PTAFR: variants seen among roughly 807,000 people sequenced by gnomAD.
PTAFR encodes the protein platelet activating factor receptor, also known as platelet-activating factor receptor.
PTAFR carries 8 observed loss-of-function variants against 14.7 expected under a neutral mutation model. The observed-to-expected ratio is 0.54, with a 90% CI of 0.32 to 0.98. The LOEUF is 0.98. Among genes scored for constraint, PTAFR ranks in the 50% least tolerant of loss-of-function variants. The pLI is 0.04. For synonymous variants in PTAFR, 156 were observed against 176.5 expected (o/e 0.88, Z 0.92); for missense variants, 337 against 451.2 (o/e 0.75, Z 2.29).
rs1156838256 is a variant in PTAFR, at chr1:28,150,837, G to A, written c.185C>T (p.Ala62Val). The change falls in exon 2 of 2, where the codon GCG becomes GTG. Residue 62 changes from alanine to valine, a missense_variant. Ala to Val is a moderately conservative substitution (Grantham distance 64, BLOSUM62 0). Transcript: ENST00000373857. The surrounding 1 kb of genome is among the most constrained non-coding windows in gnomAD (Gnocchi z 6.3). ...CAGGGTGATCAAGAAGAGCATGTCC[G>A]CCATGGTGAGGTTCACCATGAAGAT... ...IKIFMVNLTM[A>V]DMLFLITLPL... The A allele has an allele frequency of 2.5e-6, 4 of 1,614,124 alleles. No individual in the cohort carries two copies. Among genetic ancestry groups the A allele is most frequent in the South Asian group, 1.1e-5 (1 of 91,066 alleles).
intron 1 of PTAFR, among the ~76,000 whole-genome samples, chr1:28,185,293 G>A (rs963720167): frequency 6.6e-6 from 1 of 152,160 alleles, no homozygotes; most frequent in African/African-American, 2.4e-5. Flanking sequence ...TTAGAGAGAG[G>A]AAGTGATTTA....
chr1:28,159,500 G>A (rs1229562868), intron 1 of PTAFR, among the ~76,000 whole-genome samples: 1 of 152,062 alleles, frequency 6.6e-6, no homozygotes, highest in African/African-American at 2.4e-5. Context: ...TGGGTTGAGG[G>A]GTGAGTGATA....
At chr1:28,191,168 T>C (rs775216386) in intron 1 of PTAFR, among the ~76,000 whole-genome samples, 25 of 152,164 alleles carry the variant, frequency 1.6e-4, no homozygotes, top group Non-Finnish European at 2.6e-4. Flanking sequence ...CACTGTATCC[T>C]GAGAGGAAGA....
intron 1 of PTAFR, among the ~76,000 whole-genome samples, chr1:28,153,869 C>T (rs1222021225): frequency 6.6e-6 from 1 of 150,980 alleles, no homozygotes; most frequent in Non-Finnish European, 1.5e-5. Context: ...GACTGGGAGA[C>T]AGATTGAGAC....
Position 28,150,946 on chromosome 1 carries a change from A to G in PTAFR, c.76T>C (p.Phe26Leu). 6.2e-7 allele frequency: 1 copy of G among 1,614,106 alleles called. No homozygotes were observed. The highest frequency in any genetic ancestry group is 8.5e-7 in the Non-Finnish European group (1 of 1,179,998). ...CCATTAGCAATGACCCCGAGCACAA[A>G]GATGATGCTGTAAACAATCGGGAAG... ...TLFPIVYSII[F>L]VLGVIANGYV... The change falls in exon 2 of 2, where the codon TTT becomes CTT. Residue 26 changes from phenylalanine (F) to leucine (L), a missense_variant. By Grantham distance (22) the Phe-to-Leu change is conservative. Coordinates refer to ENST00000373857, the MANE Select transcript of PTAFR (RefSeq NM_000952.5). The surrounding 1 kb of genome is among the most constrained non-coding windows in gnomAD (Gnocchi z 6.3).
upstream of PTAFR, among the ~76,000 whole-genome samples, chr1:28,181,243 G>A (rs1646560648): frequency 6.6e-6 from 1 of 152,110 alleles, no homozygotes; most frequent in African/African-American, 2.4e-5. Context: ...CTCTTTTTGT[G>A]TATGTTTGAA....
chr1:28,192,095 TA>T (rs531568875), intron 1 of PTAFR, among the ~76,000 whole-genome samples: 60 of 143,990 alleles, frequency 4.2e-4, no homozygotes, highest in Admixed American at 5.6e-4. Context: ...GTAAAACATT[TA>T]AAAAAAAAAA....
At chr1:28,176,440 G>A (rs1309394436) in intron 1 of PTAFR, among the ~76,000 whole-genome samples, 152 bp downstream of exon 1, 3 of 109,652 alleles carry the variant, frequency 2.7e-5, no homozygotes, top group African/African-American at 1.0e-4. Context: ...GAGAGACCCT[G>A]TCTCAAAAAA....
intron 1 of PTAFR, among the ~76,000 whole-genome samples, chr1:28,156,931 C>A (rs1048441253): frequency 6.6e-6 from 1 of 152,098 alleles, no homozygotes. Flanking sequence ...GTCTTGGGGG[C>A]AGTCAGGTCC....
At chr1:28,167,633 ATTTTTTTTTTTTTTTTT>A (rs780344665) in intron 1 of PTAFR, among the ~76,000 whole-genome samples, 2 of 80,234 alleles carry the variant, frequency 2.5e-5, no homozygotes, top group Admixed American at 1.4e-4. Flanking sequence ...TGAAAACGGG[ATTTTTTTTTTTTTTTTT>A]TTTTTTTTTT....
chr1:28,185,708 G>T (rs199617779), intron 1 of PTAFR, among the ~76,000 whole-genome samples: 1 of 74,952 alleles, frequency 1.3e-5, no homozygotes, highest in East Asian at 2.4e-4. Context: ...AGGAAAAAAA[G>T]GTTACGAAGA....
At chr1:28,158,837 G>A (rs940617596) in intron 1 of PTAFR, among the ~76,000 whole-genome samples, 4 of 152,202 alleles carry the variant, frequency 2.6e-5, no homozygotes, top group African/African-American at 9.7e-5. Context: ...ATTTGGGGAA[G>A]ATGGCTTTGA....
chr1:28,167,833 T>A (rs929049631), intron 1 of PTAFR, among the ~76,000 whole-genome samples: 2 of 150,578 alleles, frequency 1.3e-5, no homozygotes, highest in African/African-American at 4.9e-5. Flanking sequence ...GAGACGAGGT[T>A]TCGCCATGTT....
At position 28,150,410 on chromosome 1, in the gene PTAFR, G is replaced by A; in HGVS notation, c.612C>T (p.Phe204=). The change falls in exon 2 of 2, where the codon TTC becomes TTT. Residue 204 remains phenylalanine, a synonymous_variant. Coordinates refer to ENST00000373857, the MANE Select transcript of PTAFR (RefSeq NM_000952.5). This position sits in a 1 kb window ranked among gnomAD's most constrained non-coding sequence, Gnocchi z 6.3. ...SFFLVFLIIL[F]CNLVIIRTLL... Reference sequence around the variant, plus strand: ...AGGTACGGATGATGACCAGGTTGCAGAAGAGGATGATGAGGAAGACCAGGA... The same window carrying A: ...AGGTACGGATGATGACCAGGTTGCAAAAGAGGATGATGAGGAAGACCAGGA... 6.2e-7 allele frequency: 1 copy of A among 1,613,984 alleles called. No individual in the cohort carries two copies. The highest frequency in any genetic ancestry group is 8.5e-7 in the Non-Finnish European group (1 of 1,179,906).
At chr1:28,187,849 A>G (rs1415544258) in intron 1 of PTAFR, among the ~76,000 whole-genome samples, 1 of 152,200 alleles carries the variant, frequency 6.6e-6, no homozygotes, top group Non-Finnish European at 1.5e-5. Flanking sequence ...AAATTTGACC[A>G]TAGAAATGTG....
At chr1:28,171,760 C>T (rs531367878) in intron 1 of PTAFR, among the ~76,000 whole-genome samples, 2 of 152,074 alleles carry the variant, frequency 1.3e-5, no homozygotes, top group Non-Finnish European at 2.9e-5. Flanking sequence ...CATTGGGGAC[C>T]TCATCCTGGC....
intron 1 of PTAFR, among the ~76,000 whole-genome samples, chr1:28,173,552 G>C (rs1416048830): frequency 6.6e-6 from 1 of 151,356 alleles, no homozygotes; most frequent in Non-Finnish European, 1.5e-5. Context: ...TCGAGAGACT[G>C]AGGTGGGAGG....
Position 28,190,297 on chromosome 1 carries a change from A to G in PTAFR, c.-39+3425T>C, listed in dbSNP as rs1646642170. On this transcript the variant is annotated intron_variant, in intron 1 of 1. Transcript: ENST00000305392. ...ATAACATTTCTTAGCACATTAACAC[A>G]TTATTATGCTGGAGAATGCAATACA... 2.6e-5 allele frequency among the ~76,000 whole-genome samples: 4 copies of G among 152,278 alleles called. No homozygotes were observed. The South Asian group carries it at 8.3e-4, about 32-fold the overall frequency.
At chr1:28,185,055 C>T (rs553161689) in intron 1 of PTAFR, among the ~76,000 whole-genome samples, 1 of 152,312 alleles carries the variant, frequency 6.6e-6, no homozygotes, top group African/African-American at 2.4e-5. Context: ...CCTGACCACC[C>T]TAATAAGTTG....
Sources: allele counts gnomAD v4.1 joint callset (sites outside exome capture counted in the v4.1 genomes callset), GRCh38; gene constraint gnomAD v4.1.1; non-coding constraint Gnocchi (gnomAD v3.1); transcripts MANE v1.5; gene names NCBI Gene and HGNC (gene_info 2026-07-23, HGNC 2026-07-21).